Variants in DNAJC22 observed in about 807,000 individuals in gnomAD.
DNAJC22 encodes the protein DnaJ heat shock protein family (Hsp40) member C22.
In DNAJC22, 24 loss-of-function variants were observed where a neutral mutation model predicts 22.2. The ratio of observed to expected loss-of-function variants is 1.08; its 90% CI spans 0.78 to 1.52. The LOEUF is 1.52. Among genes scored for constraint, DNAJC22 ranks in the 40% most tolerant of loss-of-function variants. The pLI is 0.00. For synonymous variants in DNAJC22, 160 were observed against 167.4 expected, an observed-to-expected ratio of 0.96 and a Z score of 0.34; for missense variants, 434 against 421.7, an observed-to-expected ratio of 1.03 and a Z score of -0.26.
rs1415533462 is a variant in DNAJC22 at position 49,346,971 on chromosome 12, C to G, written c.-1150C>G. Reference sequence around the variant, plus strand: ...CTGAGGGCGTTTGGAGGGAAGCGCTCTGCCTACTGCCGGGAGGTGACACCC... The same window carrying G: ...CTGAGGGCGTTTGGAGGGAAGCGCTGTGCCTACTGCCGGGAGGTGACACCC... On this transcript the variant is annotated 5_prime_UTR_variant, in exon 1 of 4. Coordinates refer to ENST00000549441, the MANE Select transcript of DNAJC22 (RefSeq NM_001304944.2). 8 of 152,318 alleles carry G rather than the reference C, an allele frequency of 5.3e-5. No homozygotes were observed. Among genetic ancestry groups the G allele is most frequent in the Non-Finnish European group, 1.0e-4 (7 of 68,100 alleles). 9.4% of individuals were successfully genotyped at this position (152,318 alleles called of 1,614,324 possible). A position where few individuals can be genotyped will look rare whatever the true frequency, so the allele number is the denominator to read the frequency against.
intron 3 of DNAJC22, chr12:49,351,096 T>A: frequency 2.1e-6 from 2 of 942,124 alleles, no homozygotes; most frequent in Non-Finnish European, 2.5e-6. Flanking sequence ...AGAGCTTGTC[T>A]ATGTTTCAAA....
In DNAJC22 at chr12:49,349,122, C is replaced by T. The variant is rs764136333; in HGVS notation, c.250C>T (p.Gln84Ter). 25 of 1,614,032 alleles carry T rather than the reference C, an allele frequency of 1.5e-5. No individual in the cohort carries two copies. Among genetic ancestry groups the T allele is most frequent in the Non-Finnish European group, 1.9e-5 (23 of 1,180,030 alleles). ...TCTGAGTCCCATTCGCTTTGCTGCC[C>T]AGGTGATAGTTGGCATCTATTTTGG... ...PPLSPIRFAA[Q>*]VIVGIYFGLV... Residue 84 changes from glutamine (Q) to a stop codon, truncating the protein, a stop_gained, in exon 3 of 4, where the codon CAG becomes TAG. Coordinates refer to ENST00000549441, the MANE Select transcript of DNAJC22 (RefSeq NM_001304944.2). LOFTEE classifies it high-confidence loss of function.
Position 49,351,469 on chromosome 12 carries a change from T to C in DNAJC22, c.993T>C (p.Ser331=). Residue 331 remains serine (S), a synonymous_variant, in exon 4 of 4, where the codon AGT becomes AGC. Transcript: ENST00000549441. ...TCCAGGCTGCGTATGAAGTCCTGAG[T>C]CAACCCAGGAAGCCCTGGGGATCCC... ...LEIQAAYEVL[S]QPRKPWGSRR 6.3e-7 allele frequency: 1 copy of C among 1,579,612 alleles called. No individual in the cohort carries two copies. The highest frequency in any genetic ancestry group is 8.6e-7 in the Non-Finnish European group (1 of 1,167,142).
chr12:49,348,631 C>G (rs993695031), intron 2 of DNAJC22, 135 bp from the exon 3 acceptor site: 2 of 407,360 alleles, frequency 4.9e-6, no homozygotes, highest in African/African-American at 2.1e-5. Context: ...GACTGAGGTG[C>G]TAGGACAAGG....
Position 49,348,855 on chromosome 12 carries a change from A to C in DNAJC22, c.-18A>C, listed in dbSNP as rs1943733271. 1 of 1,473,970 alleles carries C rather than the reference A, an allele frequency of 6.8e-7. No homozygotes were observed. Among genetic ancestry groups the C allele is most frequent in the African/African-American group, 1.4e-5 (1 of 70,502 alleles). 91.3% of individuals were successfully genotyped at this position (1,473,970 alleles called of 1,614,324 possible). On this transcript the variant is annotated 5_prime_UTR_variant, in exon 3 of 4. Transcript: ENST00000549441. The stretch of plus-strand genomic sequence containing the variant: ...GCTGCGAGTAACCGGACTTGTTCTG[A>C]GACCTTTGCCCTAGAGGATGGCCAA...
rs1943782940 is a variant in DNAJC22 at position 49,351,382 on chromosome 12, G to A, written c.906G>A (p.Lys302=). 1 of 1,613,650 alleles carries A rather than the reference G, an allele frequency of 6.2e-7. No homozygotes were observed. The highest frequency in any genetic ancestry group is 8.5e-7 in the Non-Finnish European group (1 of 1,179,756). ...ATCGGAGTTACCAGGAGCTAGTGAA[G>A]GTCTGGCACCCAGACCACAACCTGG... ...EIHRSYQELV[K]VWHPDHNLDQ... Residue 302 remains lysine, a synonymous_variant, in exon 4 of 4, where the codon AAG becomes AAA. Transcript: ENST00000549441.
At chr12:49,351,282 G>A (rs1943781058) in intron 3 of DNAJC22, 35 bp from the exon 4 acceptor site, 2 of 1,612,494 alleles carry the variant, frequency 1.2e-6, no homozygotes, top group Non-Finnish European at 1.7e-6. Context: ...TGACAACTTG[G>A]GGGATTCTAA....
intron 3 of DNAJC22, among the ~76,000 whole-genome samples, chr12:49,350,621 C>A (rs1415533754): frequency 1.3e-5 from 2 of 151,538 alleles, no homozygotes; most frequent in African/African-American, 2.4e-5. Context: ...GCCTCAGCCT[C>A]CCGAGTAGCT....
At chr12:49,350,165 C>T (rs1003598785) in intron 3 of DNAJC22, among the ~76,000 whole-genome samples, 4 of 151,996 alleles carry the variant, frequency 2.6e-5, no homozygotes, top group Admixed American at 6.6e-5. Context: ...CAACCTCTGC[C>T]TCCTGGGTTG....
At position 49,351,996 on chromosome 12, in the gene DNAJC22, A is replaced by G. The variant is rs1943791511; in HGVS notation, c.*494A>G. 1 of 152,168 alleles carries G rather than the reference A, an allele frequency of 6.6e-6. No individual in the cohort carries two copies. The highest frequency in any genetic ancestry group is 2.4e-5 in the African/African-American group (1 of 41,444). 9.4% of individuals were successfully genotyped at this position (152,168 alleles called of 1,614,324 possible). A position where few individuals can be genotyped will look rare whatever the true frequency, so the allele number is the denominator to read the frequency against. ...GGTAGAAGGATGTGTTTATATTCTG[A>G]ATTTCTGAATTCTTGGCTATTGCAT... On this transcript the variant is annotated 3_prime_UTR_variant, in exon 4 of 4. Coordinates refer to ENST00000549441, the MANE Select transcript of DNAJC22 (RefSeq NM_001304944.2).
chr12:49,349,926 A>C, intron 3 of DNAJC22: 1 of 950,726 alleles, frequency 1.1e-6, no homozygotes, highest in Non-Finnish European at 1.3e-6. Context: ...AAATTGCACT[A>C]ATTTTATGTA....
chr12:49,349,195 T>C lies in DNAJC22; in HGVS notation c.323T>C (p.Val108Ala), dbSNP rs1183076504. ...SLSSMVNFYI[V>A]ALPLAVGLGV... ...TCTTCCATGGTCAACTTCTATATTG[T>C]GGCCCTCCCACTGGCAGTTGGCTTA... The change falls in exon 3 of 4, where the codon GTG becomes GCG. Residue 108 changes from valine (V) to alanine (A), a missense_variant. By Grantham distance (64) the Val-to-Ala change is moderately conservative. Coordinates refer to ENST00000549441, the MANE Select transcript of DNAJC22 (RefSeq NM_001304944.2). 1.2e-6 allele frequency: 2 copies of C among 1,614,200 alleles called. No individual in the cohort carries two copies. The highest frequency in any genetic ancestry group is 2.7e-5 in the African/African-American group (2 of 75,064).
chr12:49,351,610 T>G lies in DNAJC22; in HGVS notation c.*108T>G. ...TCCCAACAGAGTTAAAGAAACTGCT[T>G]GCAGGGGCTGGGCGTGGTGGCTCAT... On this transcript the variant is annotated 3_prime_UTR_variant, in exon 4 of 4. Coordinates refer to ENST00000549441, the MANE Select transcript of DNAJC22 (RefSeq NM_001304944.2). 7.9e-7 allele frequency: 1 copy of G among 1,261,492 alleles called. No individual in the cohort carries two copies. The highest frequency in any genetic ancestry group is 1.1e-6 in the Non-Finnish European group (1 of 949,146). 78.1% of individuals were successfully genotyped at this position (1,261,492 alleles called of 1,614,324 possible). A position where few individuals can be genotyped will look rare whatever the true frequency, so the allele number is the denominator to read the frequency against.
rs1184828486 is a variant in DNAJC22, at chr12:49,353,106, C to T, written c.*1604C>T. The T allele has an allele frequency of 6.6e-6, 1 of 152,110 alleles. No individual in the cohort carries two copies. Among genetic ancestry groups the T allele is most frequent in the Non-Finnish European group, 1.5e-5 (1 of 68,024 alleles). The allele number at this position is 152,110 out of a possible 1,614,324, so 9.4% of individuals were successfully genotyped here. A position where few individuals can be genotyped will look rare whatever the true frequency, so the allele number is the denominator to read the frequency against. On this transcript the variant is annotated 3_prime_UTR_variant, in exon 4 of 4. Transcript: ENST00000549441. ...TATATGTCATATGTCCCTTTGGGGA[C>T]TTTGGGAAACCCTAGGGAACCAGCG...
intron 3 of DNAJC22, 197 bp from the exon 4 acceptor site, chr12:49,351,120 T>C (rs188634920): frequency 1.0e-6 from 1 of 975,560 alleles, no homozygotes; most frequent in East Asian, 1.1e-4. Flanking sequence ...CTGGAATTCT[T>C]TTTTCTAAAA....
chr12:49,349,805 A>G (rs770030794), intron 3 of DNAJC22, 93 bp downstream of exon 3: 929 of 1,569,002 alleles, frequency 5.9e-4, no homozygotes, highest in Non-Finnish European at 7.6e-4. Context: ...TGCTGGAAGG[A>G]TATTCTGGCT....
chr12:49,348,775 A>G lies in DNAJC22; in HGVS notation c.-98A>G. Reference sequence around the variant, plus strand: ...TTTTCCCATCTCTTAGGGTCTAAGGATAACTCTGGGGCCATGACAGCCATG... The same window carrying G: ...TTTTCCCATCTCTTAGGGTCTAAGGGTAACTCTGGGGCCATGACAGCCATG... On this transcript the variant is annotated 5_prime_UTR_variant, in exon 3 of 4. Coordinates refer to ENST00000549441, the MANE Select transcript of DNAJC22 (RefSeq NM_001304944.2). The G allele has an allele frequency of 1.4e-6, 2 of 1,409,022 alleles. No individual in the cohort carries two copies. Among genetic ancestry groups the G allele is most frequent in the Non-Finnish European group, 1.9e-6 (2 of 1,078,186 alleles). The allele number at this position is 1,409,022 out of a possible 1,614,324, so 87.3% of individuals were successfully genotyped here.
In DNAJC22 at chr12:49,347,561, G is replaced by C. The variant is rs1054213356; in HGVS notation, c.-570+10G>C. 6.6e-6 allele frequency: 1 copy of C among 152,448 alleles called. No homozygotes were observed. The highest frequency in any genetic ancestry group is 1.5e-5 in the Non-Finnish European group (1 of 68,172). 9.4% of individuals were successfully genotyped at this position (152,448 alleles called of 1,614,324 possible). The stretch of plus-strand genomic sequence containing the variant: ...GAGCGTGCAGCTTGAGGTGAGGGAG[G>C]AGTCACCTTTCAATTTGTGGGGGTG... On this transcript the variant is annotated intron_variant, in intron 1 of 3. Coordinates refer to ENST00000549441, the MANE Select transcript of DNAJC22 (RefSeq NM_001304944.2).
rs950825030 is a variant in DNAJC22, at chr12:49,349,807, A to C, written c.840+95A>C. 5.7e-6 allele frequency: 9 copies of C among 1,566,258 alleles called. No individual in the cohort carries two copies. In the Admixed American group the frequency reaches 1.1e-4, roughly 19 times the overall value. Reference sequence around the variant, plus strand: ...TCTGTTGGCCAGGTGCTGGAAGGATATTCTGGCTTCTTTGGATATCTGTGT... The same window carrying C: ...TCTGTTGGCCAGGTGCTGGAAGGATCTTCTGGCTTCTTTGGATATCTGTGT... On this transcript the variant is annotated intron_variant, in intron 3 of 3. Coordinates refer to ENST00000549441, the MANE Select transcript of DNAJC22 (RefSeq NM_001304944.2).
Sources: allele counts gnomAD v4.1 joint callset (sites outside exome capture counted in the v4.1 genomes callset), GRCh38; gene constraint gnomAD v4.1.1; transcripts MANE v1.5; gene names NCBI Gene and HGNC (gene_info 2026-07-23, HGNC 2026-07-21).